DENND5B: variants seen among roughly 807,000 people sequenced by gnomAD.
DENND5B encodes the protein DENN domain containing 5B, also known as DENN domain-containing protein 5B.
A neutral mutation model predicts 140.6 loss-of-function variants in DENND5B; 34 were observed. That is an observed-to-expected ratio of 0.24 (90% CI 0.18 to 0.32). The LOEUF (loss-of-function observed/expected upper bound fraction) is 0.32, where lower values mean the gene tolerates loss of function less well. DENND5B is among the 10% of genes least tolerant of loss of function. DENND5B has a pLI of 1.00. For synonymous variants in DENND5B, 551 were observed against 562.1 expected (o/e 0.98, Z 0.28); for missense variants, 1,142 against 1,560.2 (o/e 0.73, Z 4.52).
chr12:31,557,818 A>G (rs1016198591), intron 1 of DENND5B, among the ~76,000 whole-genome samples: 15 of 125,450 alleles, frequency 1.2e-4, no homozygotes, highest in African/African-American at 5.7e-4. Flanking sequence ...TGGTGGCAAA[A>G]AAAAAAAAAA....
At chr12:31,403,698 C>A (rs1448419552) in intron 14 of DENND5B, among the ~76,000 whole-genome samples, 4 of 150,636 alleles carry the variant, frequency 2.7e-5, no homozygotes, top group African/African-American at 9.8e-5. Flanking sequence ...GAGCTTGAGA[C>A]CAGGCTGACC....
intron 1 of DENND5B, among the ~76,000 whole-genome samples, chr12:31,581,371 G>C (rs904164934): frequency 6.6e-6 from 1 of 152,004 alleles, no homozygotes; most frequent in Non-Finnish European, 1.5e-5. Flanking sequence ...TCCATTAATT[G>C]ACATTAAGAT....
rs771908980 is a variant in DENND5B, at chr12:31,447,502, G to A, written c.1861+36C>T. On this transcript the variant is annotated intron_variant, in intron 6 of 20. Transcript: ENST00000389082. ...AATTTGTGGGAAAAAAGCGATAATG[G>A]ATTTTAATTTAATTTAAAAGGCATG... 16 of 1,552,854 alleles carry A rather than the reference G, an allele frequency of 1.0e-5. 1 individual carries two copies. The South Asian group carries it at 1.9e-4, about 19-fold the overall frequency.
chr12:31,402,460 T>C, intron 15 of DENND5B, 38 bp downstream of exon 15: 2 of 1,588,402 alleles, frequency 1.3e-6, no homozygotes, highest in African/African-American at 1.3e-5. Flanking sequence ...AAACTACACG[T>C]GATACATTCT....
At chr12:31,443,054 G>GTA (rs10658867) in intron 6 of DENND5B, 129 bp from the exon 7 acceptor site, 3 of 826,488 alleles carry the variant, frequency 3.6e-6, no homozygotes, top group East Asian at 5.4e-5. Context: ...TTGTGTGTGT[G>GTA]TGTGTGTGTG....
rs753405924 is a variant in DENND5B at position 31,413,531 on chromosome 12, A to G, written c.2586T>C (p.Asp862=). 7 of 1,613,538 alleles carry G rather than the reference A, an allele frequency of 4.3e-6. No individual in the cohort carries two copies. Among genetic ancestry groups the G allele is most frequent in the East Asian group, 2.2e-5 (1 of 44,872 alleles). The stretch of plus-strand genomic sequence containing the variant: ...TTATCCACGCCCGAGCTCGTCCAAC[A>G]TCAGTCTTGATCTCACTCATGTTTT... ...HIQNMSEIKT[D]VGRARAWIRL... Residue 862 remains aspartate, a synonymous_variant, in exon 13 of 21, where the codon GAT becomes GAC. Coordinates refer to ENST00000389082, the MANE Select transcript of DENND5B (RefSeq NM_144973.4).
At chr12:31,401,027 G>T (rs1941769300) in intron 15 of DENND5B, among the ~76,000 whole-genome samples, 1 of 151,972 alleles carries the variant, frequency 6.6e-6, no homozygotes, top group South Asian at 2.1e-4. Flanking sequence ...GTTTTTAGTA[G>T]AGAGGGGGTT....
At chr12:31,515,775 T>G (rs1464197066) in intron 1 of DENND5B, among the ~76,000 whole-genome samples, 1 of 152,204 alleles carries the variant, frequency 6.6e-6, no homozygotes, top group African/African-American at 2.4e-5. Flanking sequence ...ATAAATAGAC[T>G]ACTCAAAATT....
At chr12:31,590,410 A>G (rs1259423) in intron 1 of DENND5B, 161,512 of 204,808 alleles carry the variant, frequency 0.79, 64,220 homozygotes, top group African/African-American at 0.89. Context: ...TGCGGCTGCA[A>G]GCGAAGGGGC....
chr12:31,587,365 T>C (rs1950428503), intron 1 of DENND5B, among the ~76,000 whole-genome samples: 1 of 152,076 alleles, frequency 6.6e-6, no homozygotes, highest in East Asian at 1.9e-4. Flanking sequence ...CTTGGAGTCA[T>C]CTTTGATCAC....
At chr12:31,590,497 A>C (rs1672419288) in intron 1 of DENND5B, 1 of 555,312 alleles carries the variant, frequency 1.8e-6, no homozygotes, top group Non-Finnish European at 2.8e-6. Flanking sequence ...TGGAGGCGAA[A>C]GCCCCGGTGG....
chr12:31,589,771 C>T (rs576517152), intron 1 of DENND5B, among the ~76,000 whole-genome samples: 1 of 152,152 alleles, frequency 6.6e-6, no homozygotes, highest in Admixed American at 6.5e-5. Flanking sequence ...GATTCAGATC[C>T]CGCGGAGGCA....
intron 3 of DENND5B, among the ~76,000 whole-genome samples, chr12:31,473,719 G>C (rs776936995): frequency 6.6e-6 from 1 of 152,170 alleles, no homozygotes; most frequent in African/African-American, 2.4e-5. Context: ...ATAAAACAAT[G>C]CTGAAACTTG....
chr12:31,397,312 G>T (rs1941527017), intron 17 of DENND5B, among the ~76,000 whole-genome samples: 1 of 151,996 alleles, frequency 6.6e-6, no homozygotes, highest in Non-Finnish European at 1.5e-5. Context: ...ACTTTCAGAA[G>T]CTAAGGCGGG....
rs543419393 is a variant in DENND5B, at chr12:31,509,387, G to A, written c.128-13468C>T. Among the ~76,000 whole-genome samples the A allele has an allele frequency of 3.9e-5, 6 of 152,314 alleles. No individual in the cohort carries two copies. In the South Asian group the frequency reaches 1.2e-3, roughly 32 times the overall value. ...TATAATCCCAACACTTTGGGAGGCT[G>A]AGGCATTCTAAGGGGAGAGACCCAT... On this transcript the variant is annotated intron_variant, in intron 1 of 20. Coordinates refer to ENST00000389082, the MANE Select transcript of DENND5B (RefSeq NM_144973.4).
At chr12:31,402,737 T>C in intron 14 of DENND5B, 94 bp from the exon 15 acceptor site, 1 of 1,427,004 alleles carries the variant, frequency 7.0e-7, no homozygotes, top group Non-Finnish European at 9.3e-7. Flanking sequence ...TTTTCATTGA[T>C]AATTTGCTTT....
At chr12:31,417,585 G>T (rs745789911) in intron 11 of DENND5B, among the ~76,000 whole-genome samples, 2 of 152,108 alleles carry the variant, frequency 1.3e-5, no homozygotes, top group African/African-American at 4.8e-5. Context: ...GGGATTACAG[G>T]TGCGTGCCAC....
chr12:31,510,514 G>A (rs1393287180), intron 1 of DENND5B, among the ~76,000 whole-genome samples: 1 of 152,132 alleles, frequency 6.6e-6, no homozygotes, highest in Non-Finnish European at 1.5e-5. Flanking sequence ...TGCGGTTATT[G>A]CTGGAATTCA....
chr12:31,499,761 T>G, intron 1 of DENND5B: 1 of 1,075,490 alleles, frequency 9.3e-7, no homozygotes, highest in Non-Finnish European at 1.2e-6. Context: ...AAAATGAGAA[T>G]AATTAACCAA....
Sources: gnomAD v4.1 joint callset for allele counts (sites outside exome capture counted in the v4.1 genomes callset) on GRCh38, gnomAD v4.1.1 for gene constraint, MANE v1.5 for transcripts, NCBI Gene and HGNC (gene_info 2026-07-23, HGNC 2026-07-21) for gene names.